The following UNC50 variants were observed in gnomAD, a reference collection of about 807,000 sequenced individuals.
The protein encoded by UNC50 is unc-50 inner nuclear membrane RNA binding protein.
UNC50 carries 24 observed loss-of-function variants against 31.5 expected under a neutral mutation model. That is an observed-to-expected ratio of 0.76 (90% confidence interval 0.55 to 1.07). UNC50 has a LOEUF of 1.07. UNC50 is among the 50% of genes least tolerant of loss of function. The pLI is 0.00. For synonymous variants in UNC50, 118 were observed against 114.7 expected, an observed-to-expected ratio of 1.03 and a Z score of -0.18; for missense variants, 245 against 304.2, an observed-to-expected ratio of 0.81 and a Z score of 1.45.
chr2:98,618,189 C>T lies in UNC50; in HGVS notation c.665C>T (p.Thr222Ile), dbSNP rs767280307. The change falls in exon 6 of 6, where the codon ACA becomes ATA. Residue 222 changes from threonine to isoleucine, a missense_variant. Thr to Ile is a moderately conservative substitution (Grantham distance 89). Coordinates refer to ENST00000357765, the MANE Select transcript of UNC50 (RefSeq NM_014044.7). Reference sequence around the variant, plus strand: ...CCAGCATTGCCATTTTTGAAAAATACAGTAATTCTTCTGTATCCATTTGCA... The same window carrying T: ...CCAGCATTGCCATTTTTGAAAAATATAGTAATTCTTCTGTATCCATTTGCA... ...GYSALPFLKNTVILLYPFAPL... is the reference protein window; with the variant it reads ...GYSALPFLKNIVILLYPFAPL... 3 of 1,580,866 alleles carry T rather than the reference C, an allele frequency of 1.9e-6. No homozygotes were observed. Among genetic ancestry groups the T allele is most frequent in the South Asian group, 1.2e-5 (1 of 85,096 alleles).
In UNC50 at chr2:98,618,317, A is replaced by T. The variant is rs372622207; in HGVS notation, c.*13A>T. On this transcript the variant is annotated 3_prime_UTR_variant, in exon 6 of 6. Coordinates refer to ENST00000357765, the MANE Select transcript of UNC50 (RefSeq NM_014044.7). Reference sequence around the variant, plus strand: ...CAGAGTGAAATAAAAAGTGAGAAGAAGATTCAATCGTAACTGTGTCAACAG... The same window carrying T: ...CAGAGTGAAATAAAAAGTGAGAAGATGATTCAATCGTAACTGTGTCAACAG... The T allele has an allele frequency of 3.6e-5, 57 of 1,587,878 alleles. No individual in the cohort carries two copies. The African/African-American group carries it at 4.0e-4, about 11-fold the overall frequency.
chr2:98,616,946 A>G (rs183900680), intron 5 of UNC50, among the ~76,000 whole-genome samples: 1 of 152,320 alleles, frequency 6.6e-6, no homozygotes, highest in East Asian at 1.9e-4. Flanking sequence ...ATCTTGTTAC[A>G]TAGGTCTATG....
At position 98,613,657 on chromosome 2, in the gene UNC50, T is replaced by A. The variant is rs111528631; in HGVS notation, c.402-2550T>A. ...CTTGACACGTGGGGATTCTGGGGAT[T>A]GCTGTTCAAGATGAGATTTTGGGGA... On this transcript the variant is annotated intron_variant, in intron 3 of 5. Transcript: ENST00000357765. Among the ~76,000 whole-genome samples the A allele has an allele frequency of 4.5e-3, 686 of 152,348 alleles. 7 individuals carry two copies. Among genetic ancestry groups the A allele is most frequent in the African/African-American group, 0.016 (663 of 41,586 alleles).
chr2:98,618,123 A>ATT (rs57212171), intron 5 of UNC50, 45 bp from the exon 6 acceptor site: 28,634 of 1,215,324 alleles, frequency 0.024, 4 homozygotes, highest in Non-Finnish European at 0.026. Flanking sequence ...TTAGTCATTT[A>ATT]TTTTTTTTTT....
chr2:98,618,430 A>AGAAAT lies in UNC50; in HGVS notation c.*127_*131dup. The AGAAAT allele has an allele frequency of 1.1e-6, 1 of 902,094 alleles. No homozygotes were observed. Among genetic ancestry groups the AGAAAT allele is most frequent in the Non-Finnish European group, 1.5e-6 (1 of 651,434 alleles). 55.9% of individuals were successfully genotyped at this position (902,094 alleles called of 1,614,324 possible). A position where few individuals can be genotyped will look rare whatever the true frequency, so the allele number is the denominator to read the frequency against. ...AAAGGTGTAAAGTTTGCAAATTTGA[A>AGAAAT]GAAATATATATTAACACTGTGGTCA... On this transcript the variant is annotated 3_prime_UTR_variant, in exon 6 of 6. Transcript: ENST00000357765.
At chr2:98,613,652 G>A (rs1700874936) in intron 3 of UNC50, among the ~76,000 whole-genome samples, 1 of 152,178 alleles carries the variant, frequency 6.6e-6, no homozygotes, top group Non-Finnish European at 1.5e-5. Context: ...GGGGATTCTG[G>A]GGATTGCTGT....
chr2:98,609,445 C>T (rs899394916), intron 1 of UNC50: 7 of 435,746 alleles, frequency 1.6e-5, no homozygotes, highest in African/African-American at 1.2e-4. Context: ...AATCTTGGCT[C>T]TATCACTATC....
rs148376933 is a variant in UNC50 at position 98,612,512 on chromosome 2, C to T, written c.401+1617C>T. Among the ~76,000 whole-genome samples the T allele has an allele frequency of 1.4e-3, 213 of 152,060 alleles. 1 individual carries two copies. Among genetic ancestry groups the T allele is most frequent in the African/African-American group, 5.0e-3 (206 of 41,490 alleles). On this transcript the variant is annotated intron_variant, in intron 3 of 5. Coordinates refer to ENST00000357765, the MANE Select transcript of UNC50 (RefSeq NM_014044.7). ...GCAACCTCCGCCTCCCGGGTTCAAG[C>T]GAATCTCCTGCCTCAGCCTTCTGAG...
Position 98,618,164 on chromosome 2 carries a change from C to A in UNC50, c.644-4C>A. 6.7e-7 allele frequency: 1 copy of A among 1,503,516 alleles called. No individual in the cohort carries two copies. Among genetic ancestry groups the A allele is most frequent in the Admixed American group, 2.2e-5 (1 of 44,930 alleles). The allele number at this position is 1,503,516 out of a possible 1,614,324, so 93.1% of individuals were successfully genotyped here. On this transcript the variant is annotated splice_polypyrimidine_tract_variant and splice_region_variant and intron_variant, in intron 5 of 5. Transcript: ENST00000357765. ...AAATCAGTTTGGATTCCTTTCTTTTCCAGCATTGCCATTTTTGAAAAATAC... is the reference window on the plus strand; with the variant it reads ...AAATCAGTTTGGATTCCTTTCTTTTACAGCATTGCCATTTTTGAAAAATAC...
At position 98,618,237 on chromosome 2, in the gene UNC50, T is replaced by C. The variant is rs1376753471; in HGVS notation, c.713T>C (p.Leu238Pro). The C allele has an allele frequency of 8.7e-6, 14 of 1,612,804 alleles. No individual in the cohort carries two copies. Among genetic ancestry groups the C allele is most frequent in the Non-Finnish European group, 1.2e-5 (14 of 1,179,430 alleles). Residue 238 changes from leucine to proline, a missense_variant, in exon 6 of 6, where the codon CTT becomes CCT. Physicochemically the swap from Leu to Pro is moderately conservative, Grantham distance 98 (BLOSUM62 -3). Transcript: ENST00000357765. ...PFAPLILLYG[L>P]SLALGWNFTH... is the part of the protein sequence containing the mutation. ...GCACCTCTGATTCTGCTCTACGGGCTTTCCCTGGCACTGGGATGGAACTTC... is the reference window on the plus strand; with the variant it reads ...GCACCTCTGATTCTGCTCTACGGGCCTTCCCTGGCACTGGGATGGAACTTC...
At chr2:98,613,051 G>A (rs910103313) in intron 3 of UNC50, among the ~76,000 whole-genome samples, 2 of 152,190 alleles carry the variant, frequency 1.3e-5, no homozygotes, top group Non-Finnish European at 1.5e-5. Flanking sequence ...TCTGTGAAGC[G>A]CAGTACAGTG....
chr2:98,614,417 G>A (rs763610797), intron 3 of UNC50, among the ~76,000 whole-genome samples: 50 of 152,214 alleles, frequency 3.3e-4, no homozygotes, highest in Non-Finnish European at 5.7e-4. Context: ...TGCAGATGAA[G>A]CAGCCCTTGC....
chr2:98,615,014 T>A (rs1270046109), intron 3 of UNC50, among the ~76,000 whole-genome samples: 2 of 152,256 alleles, frequency 1.3e-5, no homozygotes, highest in African/African-American at 4.8e-5. Flanking sequence ...GATCTTACTT[T>A]TCTGTTACTT....
chr2:98,608,915 G>C, intron 1 of UNC50, 189 bp downstream of exon 1: 1 of 235,382 alleles, frequency 4.2e-6, no homozygotes, highest in Non-Finnish European at 8.6e-6. Context: ...CGTAGATAAA[G>C]AAAGAGCATT....
Position 98,618,447 on chromosome 2 carries a change from CTG to C in UNC50, c.*146_*147del, listed in dbSNP as rs1026216007. On this transcript the variant is annotated 3_prime_UTR_variant, in exon 6 of 6. Coordinates refer to ENST00000357765, the MANE Select transcript of UNC50 (RefSeq NM_014044.7). ...AAATTTGAAGAAATATATATTAACA[CTG>C]TGGTCAGGTACATTCCTTAAAACTA... is the stretch of plus-strand genomic sequence containing the variant. 1.1e-5 allele frequency: 8 copies of C among 742,646 alleles called. No homozygotes were observed. Among genetic ancestry groups the C allele is most frequent in the Middle Eastern group, 3.6e-4 (1 of 2,776 alleles). The allele number at this position is 742,646 out of a possible 1,614,324, so 46.0% of individuals were successfully genotyped here.
chr2:98,609,330 A>G (rs980002628), intron 1 of UNC50: 1 of 210,798 alleles, frequency 4.7e-6, no homozygotes. Context: ...TAGGCCATTT[A>G]TTTGACCTCT....
intron 5 of UNC50, 43 bp downstream of exon 5, chr2:98,616,576 GA>G (rs1271601583): frequency 2.6e-6 from 4 of 1,511,778 alleles, no homozygotes; most frequent in Non-Finnish European, 3.7e-6. Flanking sequence ...AACATAGCAA[GA>G]GGGGGAAAGT....
Position 98,616,553 on chromosome 2 carries a change from GT to G in UNC50, c.643+25del. 1 of 1,595,820 alleles carries G rather than the reference GT, an allele frequency of 6.3e-7. No homozygotes were observed. The highest frequency in any genetic ancestry group is 8.6e-7 in the Non-Finnish European group (1 of 1,165,340). On this transcript the variant is annotated intron_variant, in intron 5 of 5. Coordinates refer to ENST00000357765, the MANE Select transcript of UNC50 (RefSeq NM_014044.7). ...ACAGTGGTAAGTAATTTTTTTAAAT[GT>G]TTTTGGTTGAGAACATAGCAAGAGG...
At chr2:98,613,613 A>G (rs2104180710) in intron 3 of UNC50, among the ~76,000 whole-genome samples, 1 of 152,300 alleles carries the variant, frequency 6.6e-6, no homozygotes, top group African/African-American at 2.4e-5. Context: ...GGGGGAAATT[A>G]CGTCCATCTG....
Sources: gnomAD v4.1 joint callset for allele counts (sites outside exome capture counted in the v4.1 genomes callset) on GRCh38, gnomAD v4.1.1 for gene constraint, MANE v1.5 for transcripts, NCBI Gene and HGNC (gene_info 2026-07-23, HGNC 2026-07-21) for gene names.